PCSK6: variants seen among roughly 807,000 people sequenced by gnomAD.
The protein encoded by PCSK6 is paired basic amino acid cleaving enzyme 4.
A neutral mutation model predicts 123.3 loss-of-function variants in PCSK6; 85 were observed. The ratio of observed to expected loss-of-function variants is 0.69; its 90% CI spans 0.58 to 0.83. The LOEUF is 0.83. Among genes scored for constraint, PCSK6 ranks in the 40% least tolerant of loss-of-function variants. The pLI, the probability that PCSK6 is intolerant of heterozygous loss-of-function variation, is 0.00. For synonymous variants in PCSK6, 508 were observed against 516.0 expected, an observed-to-expected ratio of 0.98 and a Z score of 0.21; for missense variants, 1,191 against 1,282.3, an observed-to-expected ratio of 0.93 and a Z score of 1.09.
intron 1 of PCSK6, among the ~76,000 whole-genome samples, chr15:101,453,373 G>A (rs1194749458): frequency 1.6e-4 from 25 of 152,206 alleles, no homozygotes; most frequent in Admixed American, 1.6e-3. Flanking sequence ...TGATGTGTTA[G>A]TGGGAATGGA....
At chr15:101,421,911 C>T (rs950489424) in intron 6 of PCSK6, among the ~76,000 whole-genome samples, 1 of 152,198 alleles carries the variant, frequency 6.6e-6, no homozygotes, top group Non-Finnish European at 1.5e-5. Context: ...GACAGAGTTG[C>T]TTATATCAGA....
At chr15:101,328,011 C>A (rs187974790) in intron 15 of PCSK6, among the ~76,000 whole-genome samples, 2 of 152,312 alleles carry the variant, frequency 1.3e-5, no homozygotes, top group East Asian at 1.9e-4. Context: ...TATTTTGGAT[C>A]AATTCCCATC....
chr15:101,394,283 G>T (rs1364443622), intron 7 of PCSK6, among the ~76,000 whole-genome samples: 1 of 152,032 alleles, frequency 6.6e-6, no homozygotes, highest in Non-Finnish European at 1.5e-5. Flanking sequence ...CTGTGCACCG[G>T]TGTTCATTGT....
intron 8 of PCSK6, among the ~76,000 whole-genome samples, chr15:101,391,643 G>A (rs1201033248): frequency 6.6e-6 from 1 of 152,210 alleles, no homozygotes; most frequent in Non-Finnish European, 1.5e-5. Flanking sequence ...GACTCAGAGG[G>A]ACAGAGAATG....
chr15:101,427,501 A>C (rs1351169225), intron 6 of PCSK6, among the ~76,000 whole-genome samples: 1 of 152,202 alleles, frequency 6.6e-6, no homozygotes, highest in Admixed American at 6.5e-5. Context: ...GGGAGTCAGA[A>C]CCCAGGGAAA....
Position 101,444,121 on chromosome 15 carries a change from T to C in PCSK6, c.298-461A>G, listed in dbSNP as rs533645491. ...CGAAGAATGAACACTCACTCTCCAG[T>C]GCAACAGGACAGCCAAAGAAAACAC... On this transcript the variant is annotated intron_variant, in intron 1 of 21. Transcript: ENST00000611716. 6.1e-4 allele frequency among the ~76,000 whole-genome samples: 93 copies of C among 152,274 alleles called. 1 individual carries two copies. In the Middle Eastern group the frequency reaches 0.01, roughly 17 times the overall value.
intron 6 of PCSK6, among the ~76,000 whole-genome samples, chr15:101,417,628 G>T (rs1361724993): frequency 2.6e-5 from 4 of 152,076 alleles, no homozygotes; most frequent in African/African-American, 9.7e-5. Flanking sequence ...AGTAAGAGGT[G>T]ATGAAAGGAG....
At chr15:101,386,016 C>A (rs1019379168) in intron 9 of PCSK6, among the ~76,000 whole-genome samples, 4 of 152,070 alleles carry the variant, frequency 2.6e-5, no homozygotes, top group African/African-American at 9.7e-5. Flanking sequence ...ATCACAAACA[C>A]ATACTCTTTC....
chr15:101,416,870 G>A (rs1457948560), intron 6 of PCSK6, among the ~76,000 whole-genome samples: 1 of 152,236 alleles, frequency 6.6e-6, no homozygotes, highest in African/African-American at 2.4e-5. Context: ...GAAGCTGTAG[G>A]GAAACACCTG....
intron 15 of PCSK6, among the ~76,000 whole-genome samples, chr15:101,327,587 G>A (rs550158129): frequency 6.6e-6 from 1 of 152,342 alleles, no homozygotes; most frequent in African/African-American, 2.4e-5. Flanking sequence ...TTATGAGAGG[G>A]GATGGGGAGT....
intron 6 of PCSK6, among the ~76,000 whole-genome samples, chr15:101,419,136 T>G (rs892885412): frequency 6.6e-6 from 1 of 152,068 alleles, no homozygotes; most frequent in African/African-American, 2.4e-5. Flanking sequence ...TTATTAATAT[T>G]AAAGAGATAA....
At chr15:101,357,005 T>C (rs748098255) in intron 13 of PCSK6, among the ~76,000 whole-genome samples, 10 of 152,250 alleles carry the variant, frequency 6.6e-5, no homozygotes, top group Non-Finnish European at 1.5e-4. Flanking sequence ...AATTACTTCA[T>C]AAATCCTGGG....
chr15:101,471,342 C>A (rs1471150787), intron 1 of PCSK6, among the ~76,000 whole-genome samples: 2 of 151,114 alleles, frequency 1.3e-5, no homozygotes, highest in Non-Finnish European at 2.9e-5. Flanking sequence ...GGGTCTCTCC[C>A]ACGTCCACAA....
At chr15:101,329,238 A>T (rs946948205) in intron 15 of PCSK6, among the ~76,000 whole-genome samples, 1 of 152,224 alleles carries the variant, frequency 6.6e-6, no homozygotes, top group African/African-American at 2.4e-5. Flanking sequence ...AAAAAAATAC[A>T]CAAACAAATA....
chr15:101,338,743 T>A (rs534686429), intron 13 of PCSK6, among the ~76,000 whole-genome samples: 1 of 152,188 alleles, frequency 6.6e-6, no homozygotes, highest in Admixed American at 6.6e-5. Context: ...CCAATCAAAT[T>A]TTTTGCCATC....
intron 15 of PCSK6, among the ~76,000 whole-genome samples, chr15:101,330,837 C>A (rs896020558): frequency 4.6e-5 from 7 of 152,272 alleles, no homozygotes; most frequent in African/African-American, 1.2e-4. Context: ...ATACATAATT[C>A]AATGCTCTAT....
intron 13 of PCSK6, among the ~76,000 whole-genome samples, chr15:101,353,090 C>T (rs115917993): frequency 0.018 from 2,691 of 152,248 alleles, 87 homozygotes; most frequent in African/African-American, 0.061. Context: ...TTATTTCTAT[C>T]ATTATTACAT....
At chr15:101,331,743 A>G (rs1395829154) in intron 14 of PCSK6, 54 bp from the exon 15 acceptor site, 2 of 1,601,446 alleles carry the variant, frequency 1.2e-6, no homozygotes, top group East Asian at 2.2e-5. Context: ...AGAGAGACAC[A>G]CAACCATCAG....
chr15:101,393,651 C>T (rs2042303441), intron 7 of PCSK6, among the ~76,000 whole-genome samples: 1 of 152,158 alleles, frequency 6.6e-6, no homozygotes, highest in Non-Finnish European at 1.5e-5. Flanking sequence ...ATCACAGGAT[C>T]ATACGAGGGG....
Sources: allele counts gnomAD v4.1 joint callset (sites outside exome capture counted in the v4.1 genomes callset), GRCh38; gene constraint gnomAD v4.1.1; transcripts MANE v1.5; gene names NCBI Gene and HGNC (gene_info 2026-07-23, HGNC 2026-07-21).